The following DNAH14 variants were observed in gnomAD, a reference collection of about 807,000 sequenced individuals.
The protein encoded by DNAH14 is dynein axonemal heavy chain 14, also known as axonemal beta dynein heavy chain 14.
Under a neutral mutation model 520.9 loss-of-function variants are expected in DNAH14, and 478 were observed. The ratio of observed to expected loss-of-function variants is 0.92; its 90% CI spans 0.85 to 0.99. The LOEUF (loss-of-function observed/expected upper bound fraction) is 0.99. DNAH14 is among the 50% of genes least tolerant of loss of function. The pLI is 0.00. For missense variants in DNAH14, 4,831 were observed against 5,234.5 expected (o/e 0.92, Z 2.38); for synonymous variants, 1,581 against 1,757.2 (o/e 0.90, Z 2.51).
intron 25 of DNAH14, 138 bp from the exon 26 acceptor site, chr1:225,119,082 A>G (rs756212921): frequency 1.4e-5 from 7 of 496,896 alleles, no homozygotes; most frequent in Admixed American, 4.1e-5. Flanking sequence ...ATTTAGAAAA[A>G]CCAAAAGGCA....
At chr1:225,370,148 C>T (rs2095602197) in intron 77 of DNAH14, among the ~76,000 whole-genome samples, 3 of 152,040 alleles carry the variant, frequency 2.0e-5, no homozygotes, top group Admixed American at 1.3e-4. Flanking sequence ...ATTAGCCTGG[C>T]GTGGTGGCAC....
intron 17 of DNAH14, 136 bp downstream of exon 17, chr1:225,051,931 A>G (rs2068575836): frequency 3.3e-6 from 2 of 614,660 alleles, no homozygotes; most frequent in Non-Finnish European, 5.2e-6. Flanking sequence ...GAAGATATAC[A>G]TAAATATTAT....
intron 36 of DNAH14, among the ~76,000 whole-genome samples, chr1:225,168,662 C>G (rs182501299): frequency 6.6e-6 from 1 of 152,306 alleles, no homozygotes; most frequent in East Asian, 1.9e-4. Context: ...GAATCTCAAA[C>G]TGGGTGGAGC....
intron 1 of DNAH14, 26 bp from the exon 2 acceptor site, chr1:224,952,644 A>G: frequency 7.9e-7 from 1 of 1,264,392 alleles, no homozygotes; most frequent in East Asian, 2.6e-5. Flanking sequence ...TGTATATTAA[A>G]TATAATAATG....
At chr1:225,166,106 C>G (rs961616980) in intron 35 of DNAH14, among the ~76,000 whole-genome samples, 3 of 152,068 alleles carry the variant, frequency 2.0e-5, no homozygotes, top group African/African-American at 7.2e-5. Flanking sequence ...ATTCTTGCAT[C>G]TCTCTCTGGC....
At chr1:224,944,877 G>A (rs2059688174) in intron 1 of DNAH14, among the ~76,000 whole-genome samples, 1 of 152,150 alleles carries the variant, frequency 6.6e-6, no homozygotes. Context: ...TAGTGTGATG[G>A]GCTTCCCTTT....
Position 225,144,426 on chromosome 1 carries a change from A to C in DNAH14, c.4538A>C (p.Gln1513Pro). 6.4e-7 allele frequency: 1 copy of C among 1,551,462 alleles called. No homozygotes were observed. Among genetic ancestry groups the C allele is most frequent in the South Asian group, 1.2e-5 (1 of 84,022 alleles). Reference protein sequence around the residue: ...RHLQYKWNEKQKLCYVSQGNA... With the variant: ...RHLQYKWNEKPKLCYVSQGNA... ...TTGCAATATAAATGGAATGAAAAAC[A>C]AAAGTTGTGCTATGTGTCTCAAGGA... Residue 1513 changes from glutamine to proline, a missense_variant, in exon 29 of 86, where the codon CAA becomes CCA. Gln to Pro is a moderately conservative substitution (Grantham distance 76, BLOSUM62 -1). Coordinates refer to ENST00000682510, the MANE Select transcript of DNAH14 (RefSeq NM_001367479.1).
rs2093826965 is a variant in DNAH14, at chr1:225,289,881, A to T, written c.8272-4A>T. On this transcript the variant is annotated splice_polypyrimidine_tract_variant and splice_region_variant and intron_variant, in intron 54 of 85. Coordinates refer to ENST00000682510, the MANE Select transcript of DNAH14 (RefSeq NM_001367479.1). Reference sequence around the variant, plus strand: ...TCATGTGTTGTATTTCTTTTCTCCCAAAGATTGGAATAGATGGATGTGGGA... The same window carrying T: ...TCATGTGTTGTATTTCTTTTCTCCCTAAGATTGGAATAGATGGATGTGGGA... 1 of 1,361,176 alleles carries T rather than the reference A, an allele frequency of 7.3e-7. No individual in the cohort carries two copies. The highest frequency in any genetic ancestry group is 2.1e-5 in the South Asian group (1 of 48,434). 84.3% of individuals were successfully genotyped at this position (1,361,176 alleles called of 1,614,324 possible).
intron 68 of DNAH14, 127 bp downstream of exon 68, chr1:225,338,309 T>C: frequency 8.0e-7 from 1 of 1,250,992 alleles, no homozygotes; most frequent in Non-Finnish European, 1.1e-6. Context: ...TTTGGAATAT[T>C]CTTTTTGTTT....
chr1:225,194,698 GA>G (rs1414964194), intron 38 of DNAH14, among the ~76,000 whole-genome samples: 1 of 151,802 alleles, frequency 6.6e-6, no homozygotes, highest in Non-Finnish European at 1.5e-5. Flanking sequence ...CTGCTGCACA[GA>G]AAAAAAGGCT....
intron 10 of DNAH14, among the ~76,000 whole-genome samples, chr1:225,021,821 C>A (rs2065722746): frequency 6.6e-6 from 1 of 151,918 alleles, no homozygotes; most frequent in African/African-American, 2.4e-5. Context: ...ACCTGAATTG[C>A]CAAAGCAATC....
At chr1:225,241,181 T>TA (rs35996207) in intron 43 of DNAH14, among the ~76,000 whole-genome samples, 4 of 151,880 alleles carry the variant, frequency 2.6e-5, no homozygotes, top group South Asian at 2.1e-4. Context: ...TTCTTTTTTT[T>TA]AAAAAAATCC....
Position 225,023,765 on chromosome 1 carries a change from C to T in DNAH14, c.1258C>T (p.Arg420Cys), listed in dbSNP as rs545174074. The change falls in exon 11 of 86, where the codon CGT (arginine) becomes TGT (cysteine). Residue 420 changes from arginine to cysteine, a missense_variant. Coordinates refer to ENST00000682510, the MANE Select transcript of DNAH14 (RefSeq NM_001367479.1). The part of the protein sequence containing the change: ...LVDYIFQELI[R>C]QLMNTAVTLL... ...TGACTACATATTTCAGGAACTCATT[C>T]GTCAACTTATGAACACTGCAGTCAC... The T allele has an allele frequency of 2.6e-5, 41 of 1,550,544 alleles. No homozygotes were observed. Among genetic ancestry groups the T allele is most frequent in the Middle Eastern group, 3.3e-4 (2 of 6,000 alleles).
In DNAH14 at chr1:225,085,453, C is replaced by A; in HGVS notation, c.3328-91C>A. 2.6e-6 allele frequency: 3 copies of A among 1,164,842 alleles called. 1 individual carries two copies. Among genetic ancestry groups the A allele is most frequent in the South Asian group, 3.3e-5 (2 of 61,274 alleles). 72.2% of individuals were successfully genotyped at this position (1,164,842 alleles called of 1,614,324 possible). ...TTAGATCTTCAATATTTTTGATGTG[C>A]CTTTCAAAACTTGCATTTAAAATTT... On this transcript the variant is annotated intron_variant, in intron 20 of 85. Coordinates refer to ENST00000682510, the MANE Select transcript of DNAH14 (RefSeq NM_001367479.1).
intron 10 of DNAH14, among the ~76,000 whole-genome samples, chr1:225,023,238 A>G (rs569417864): frequency 2.0e-5 from 3 of 152,322 alleles, no homozygotes; most frequent in East Asian, 3.9e-4. Context: ...CTCAGAACCT[A>G]AAATAAAAGT....
At chr1:225,296,483 CTT>C (rs2094009262) in intron 55 of DNAH14, among the ~76,000 whole-genome samples, 1 of 146,860 alleles carries the variant, frequency 6.8e-6, no homozygotes, top group South Asian at 2.1e-4. Context: ...TCCTTCCTCT[CTT>C]ATCGTTTATG....
In DNAH14 at chr1:225,084,806, TC is replaced by T. The variant is rs1558905833; in HGVS notation, c.3328-737del. Among the ~76,000 whole-genome samples, 5 of 13,430 alleles carry T rather than the reference TC, an allele frequency of 3.7e-4. No homozygotes were observed. In the Admixed American group the frequency reaches 4.0e-3, roughly 11 times the overall value. 8.8% of individuals were successfully genotyped at this position (13,430 alleles called of 152,430 possible). ...AAGACTTGACAAGGCTAGATTCACT[TC>T]ACTGAAATTTTGCTTTACACATTAT... is the stretch of plus-strand genomic sequence containing the variant. On this transcript the variant is annotated intron_variant, in intron 20 of 85. Transcript: ENST00000682510.
rs1181959779 is a variant in DNAH14 at position 224,954,894 on chromosome 1, A to G, written c.78-65A>G. The G allele has an allele frequency of 2.3e-6, 3 of 1,315,410 alleles. No individual in the cohort carries two copies. The Admixed American group carries it at 6.7e-5, about 29-fold the overall frequency. 81.5% of individuals were successfully genotyped at this position (1,315,410 alleles called of 1,614,324 possible). ...TGTGAAATTTTGGTAATATGCTAAT[A>G]GCTCAGTATTTTATTGGTGTGATTT... On this transcript the variant is annotated intron_variant, in intron 2 of 85. Transcript: ENST00000682510.
intron 1 of DNAH14, among the ~76,000 whole-genome samples, chr1:224,933,537 C>T (rs1482593629): frequency 6.6e-6 from 1 of 152,014 alleles, no homozygotes; most frequent in Admixed American, 6.5e-5. Flanking sequence ...CAACTTTAAT[C>T]CATTCAGTAT....
Sources: allele counts gnomAD v4.1 joint callset (sites outside exome capture counted in the v4.1 genomes callset), GRCh38; gene constraint gnomAD v4.1.1; transcripts MANE v1.5; gene names NCBI Gene and HGNC (gene_info 2026-07-23, HGNC 2026-07-21).